The following DGLUCY variants were observed in gnomAD, a reference collection of about 807,000 sequenced individuals.
DGLUCY encodes D-glutamate cyclase.
Under a neutral mutation model 58.5 loss-of-function variants are expected in DGLUCY, and 58 were observed. The ratio of observed to expected loss-of-function variants is 0.99; its 90% CI spans 0.80 to 1.23. The LOEUF is 1.23. Ranked by LOEUF, DGLUCY falls within the 50% of genes most tolerant of loss-of-function variation. The pLI is 0.00. For synonymous variants in DGLUCY, 325 were observed against 314.1 expected (o/e 1.03, Z -0.37); for missense variants, 779 against 784.7 (o/e 0.99, Z 0.09).
intron 11 of DGLUCY, among the ~76,000 whole-genome samples, chr14:91,201,467 T>C (rs1272565111): frequency 2.0e-5 from 3 of 151,980 alleles, no homozygotes; most frequent in Non-Finnish European, 2.9e-5. Context: ...CCCAGCTAAT[T>C]TTTGTATTTT....
At chr14:91,175,328 T>A (rs8012616) in intron 6 of DGLUCY, among the ~76,000 whole-genome samples, 14,494 of 151,906 alleles carry the variant, frequency 0.095, 1,994 homozygotes, top group African/African-American at 0.31. Context: ...TGGGCCTTGG[T>A]TGAGGGTCCA....
chr14:91,115,123 C>G (rs912271310), intron 1 of DGLUCY: 74 of 152,580 alleles, frequency 4.8e-4, no homozygotes, highest in African/African-American at 1.6e-3. Context: ...AAAAATTATC[C>G]CAGTGCTGGA....
chr14:91,097,998 A>G (rs560912523), intron 1 of DGLUCY, among the ~76,000 whole-genome samples: 4 of 152,248 alleles, frequency 2.6e-5, no homozygotes, highest in African/African-American at 9.6e-5. Context: ...CAATGTTCAT[A>G]ATATAAATAT....
chr14:91,097,534 G>A (rs1420318762), intron 1 of DGLUCY, among the ~76,000 whole-genome samples: 1 of 152,148 alleles, frequency 6.6e-6, no homozygotes, highest in East Asian at 1.9e-4. Context: ...TCTCAATAAA[G>A]CTATTTGTTA....
At chr14:91,153,865 T>C (rs2047460741) in intron 1 of DGLUCY, among the ~76,000 whole-genome samples, 1 of 152,202 alleles carries the variant, frequency 6.6e-6, no homozygotes, top group Admixed American at 6.5e-5. Flanking sequence ...CCTGAGGACA[T>C]GCACCCAAGG....
At chr14:91,113,763 G>T (rs142170206), upstream of DGLUCY, among the ~76,000 whole-genome samples, 92 of 152,348 alleles carry the variant, frequency 6.0e-4, no homozygotes, top group African/African-American at 2.1e-3. Flanking sequence ...AGTGCACACT[G>T]AAGTTTGTAC....
chr14:91,142,838 TAAACAC>T (rs2046784323), intron 1 of DGLUCY, among the ~76,000 whole-genome samples: 3 of 54,958 alleles, frequency 5.5e-5, no homozygotes, highest in Non-Finnish European at 1.1e-4. Flanking sequence ...CCATCTCTAC[TAAACAC>T]ACACACACAC....
At chr14:91,204,098 T>C (rs1385960244) in intron 11 of DGLUCY, among the ~76,000 whole-genome samples, 3 of 152,258 alleles carry the variant, frequency 2.0e-5, no homozygotes, top group Admixed American at 6.5e-5. Context: ...TATGTATTTA[T>C]TCTAGCATTC....
At chr14:91,061,579 TAGGGCA>T (rs1256231422) in intron 1 of DGLUCY, among the ~76,000 whole-genome samples, 1 of 152,202 alleles carries the variant, frequency 6.6e-6, no homozygotes, top group Non-Finnish European at 1.5e-5. Context: ...GGAAAGCTTT[TAGGGCA>T]AGGAGGCATT....
chr14:91,060,373 C>A lies in DGLUCY; in HGVS notation c.-413C>A, dbSNP rs749352681. 9.3e-6 allele frequency: 14 copies of A among 1,506,714 alleles called. No individual in the cohort carries two copies. The highest frequency in any genetic ancestry group is 1.2e-5 in the Non-Finnish European group (14 of 1,121,964). The allele number at this position is 1,506,714 out of a possible 1,614,324, so 93.3% of individuals were successfully genotyped here. On this transcript the variant is annotated 5_prime_UTR_variant, in exon 1 of 5. Transcript: ENST00000521334. ...CTTGACAGTGAGGAGCTGCTCTCCT[C>A]CGTCGCCGCCGTCCGCGCTGGTCCC...
Position 91,160,339 on chromosome 14 carries a change from A to C in DGLUCY, c.45A>C (p.Ile15=). 1.2e-6 allele frequency: 2 copies of C among 1,612,974 alleles called. No individual in the cohort carries two copies. Among genetic ancestry groups the C allele is most frequent in the Non-Finnish European group, 1.7e-6 (2 of 1,179,632 alleles). Residue 15 remains isoleucine (I), a synonymous_variant, in exon 3 of 14, where the codon ATA becomes ATC. Transcript: ENST00000256324. ...TGAGGTCCCGCCTTCCCTCTGCCAT[A>C]AGGAGTTTGATTCTACAAAAGAAAC... is the stretch of plus-strand genomic sequence containing the variant. ...LHLRSRLPSA[I]RSLILQKKPN...
intron 1 of DGLUCY, among the ~76,000 whole-genome samples, chr14:91,066,987 A>G (rs1322700529): frequency 6.6e-6 from 1 of 151,156 alleles, no homozygotes; most frequent in East Asian, 1.9e-4. Flanking sequence ...AGGCTGAGAC[A>G]GCAGAATGGT....
intron 2 of DGLUCY, chr14:91,158,993 CTTTTTTTTT>C (rs36081390): frequency 1.7e-5 from 2 of 116,958 alleles, no homozygotes; most frequent in South Asian, 5.7e-4. Context: ...CCATGCCTGG[CTTTTTTTTT>C]TTTTTTTTGG....
At chr14:91,191,622 C>T (rs753638370) in intron 9 of DGLUCY, among the ~76,000 whole-genome samples, 92 of 152,142 alleles carry the variant, frequency 6.0e-4, no homozygotes, top group Admixed American at 1.0e-3. Context: ...CCCAAGAGAC[C>T]ATCTGCACCC....
At chr14:91,216,048 C>T in intron 13 of DGLUCY, 1 of 259,572 alleles carries the variant, frequency 3.9e-6, no homozygotes, top group Non-Finnish European at 7.6e-6. Context: ...ATCCTGTGGG[C>T]TGGAGGCTGC....
chr14:91,115,766 G>A (rs1019433490), intron 1 of DGLUCY, among the ~76,000 whole-genome samples: 5 of 152,208 alleles, frequency 3.3e-5, no homozygotes, highest in Non-Finnish European at 7.3e-5. Flanking sequence ...GATCCCCGGA[G>A]GCCAACTGGT....
At chr14:91,135,453 C>T (rs2140222491) in intron 1 of DGLUCY, among the ~76,000 whole-genome samples, 1 of 152,128 alleles carries the variant, frequency 6.6e-6, no homozygotes, top group East Asian at 1.9e-4. Context: ...AGTTTGAGGC[C>T]AGCCTGGCCA....
intron 12 of DGLUCY, among the ~76,000 whole-genome samples, chr14:91,205,798 C>T (rs1445972338): frequency 5.6e-5 from 7 of 125,502 alleles, no homozygotes; most frequent in Admixed American, 3.9e-4. Context: ...TCTTCTTCTC[C>T]GTCTCCTTCT....
intron 9 of DGLUCY, among the ~76,000 whole-genome samples, chr14:91,195,548 G>A (rs1482097572): frequency 6.6e-6 from 1 of 152,040 alleles, no homozygotes; most frequent in Non-Finnish European, 1.5e-5. Flanking sequence ...GTGAGAATTT[G>A]GGGTGAGAAT....
Sources: gnomAD v4.1 joint callset for allele counts (sites outside exome capture counted in the v4.1 genomes callset) on GRCh38, gnomAD v4.1.1 for gene constraint, MANE v1.5 for transcripts, NCBI Gene and HGNC (gene_info 2026-07-23, HGNC 2026-07-21) for gene names.